IL15RA: variants seen among roughly 807,000 people sequenced by gnomAD.
The protein encoded by IL15RA is interleukin-15 receptor subunit alpha.
A neutral mutation model predicts 24.2 loss-of-function variants in IL15RA; 26 were observed. The ratio of observed to expected loss-of-function variants is 1.07; its 90% confidence interval spans 0.79 to 1.49. The LOEUF is 1.49. Among genes scored for constraint, IL15RA ranks in the 40% most tolerant of loss-of-function variants. IL15RA has a pLI of 0.00. For missense variants in IL15RA, 354 were observed against 356.4 expected, an observed-to-expected ratio of 0.99 and a Z score of 0.05; for synonymous variants, 166 against 157.6, an observed-to-expected ratio of 1.05 and a Z score of -0.40.
rs1424860163 is a variant in IL15RA, at chr10:5,973,993, C to T, written c.88+3412G>A. Among the ~76,000 whole-genome samples the T allele has an allele frequency of 6.6e-6, 1 of 151,242 alleles. No homozygotes were observed. Among genetic ancestry groups the T allele is most frequent in the African/African-American group, 2.4e-5 (1 of 41,114 alleles). On this transcript the variant is annotated intron_variant, in intron 1 of 6. Transcript: ENST00000379977. The surrounding 1 kb of genome is among the most constrained non-coding windows in gnomAD (Gnocchi z 4.5). The stretch of plus-strand genomic sequence containing the variant: ...TAATGATACAATTCAATTTTTTATA[C>T]ATAAGACAGAGTCAGAAAAAAAAAA...
chr10:5,949,333 T>A (rs1564476386), downstream of IL15RA: 4 of 470,990 alleles, frequency 8.5e-6, no homozygotes, highest in Admixed American at 4.7e-5. The surrounding 1 kb of genome is among the most constrained non-coding windows in gnomAD (Gnocchi z 4.4). Flanking sequence ...ATGGGTGGAT[T>A]TACAGTCACT....
At chr10:5,977,374 C>A (rs903004389) in intron 1 of IL15RA, 31 bp downstream of exon 1, 25 of 1,130,162 alleles carry the variant, frequency 2.2e-5, no homozygotes, top group Admixed American at 8.5e-5. Flanking sequence ...TTCCAAGTCC[C>A]GCCCGGGCGC....
downstream of IL15RA, chr10:5,948,946 A>G (rs968012524): frequency 2.1e-5 from 5 of 233,606 alleles, no homozygotes; most frequent in African/African-American, 1.1e-4. Context: ...CACAATGTCA[A>G]AATACAAATC....
chr10:5,958,222 G>C lies in IL15RA; in HGVS notation c.616+1532C>G, dbSNP rs1031056354. The C allele has an allele frequency of 7.2e-6, 3 of 419,286 alleles. No homozygotes were observed. Among genetic ancestry groups the C allele is most frequent in the African/African-American group, 6.2e-5 (3 of 48,660 alleles). 26.0% of individuals were successfully genotyped at this position (419,286 alleles called of 1,614,324 possible). A position where few individuals can be genotyped will look rare whatever the true frequency, so the allele number is the denominator to read the frequency against. ...GAGGATCTACAAGGTATACCAGCAA[G>C]TGGAAACAAACATGGTACAGAAAAG... On this transcript the variant is annotated intron_variant, in intron 5 of 6. Coordinates refer to ENST00000379977, the MANE Select transcript of IL15RA (RefSeq NM_002189.4). This position sits in a 1 kb window ranked among gnomAD's most constrained non-coding sequence, Gnocchi z 4.3.
rs761934911 is a variant in IL15RA, at chr10:5,971,066, A to T, written c.89-4727T>A. On this transcript the variant is annotated intron_variant, in intron 1 of 6. Transcript: ENST00000379977. The surrounding 1 kb of genome is among the most constrained non-coding windows in gnomAD (Gnocchi z 5.5). ...CCACATGCCTTAATCACATCTTTAG[A>T]TACTTGAATTATACTTTCTATATAT... is the stretch of plus-strand genomic sequence containing the variant. Among the ~76,000 whole-genome samples the T allele has an allele frequency of 4.4e-4, 67 of 152,300 alleles. No homozygotes were observed. The highest frequency in any genetic ancestry group is 6.8e-4 in the Non-Finnish European group (46 of 68,020).
chr10:5,951,141 C>CAAAAAAAAAAAAAAA (rs60771366), downstream of IL15RA, among the ~76,000 whole-genome samples: 46 of 35,952 alleles, frequency 1.3e-3, no homozygotes, highest in African/African-American at 2.0e-3. Context: ...GACTCAGTCT[C>CAAAAAAAAAAAAAAA]AAAAAAAAAA....
At chr10:5,976,784 C>T (rs1564525816) in intron 1 of IL15RA, among the ~76,000 whole-genome samples, 1 of 151,656 alleles carries the variant, frequency 6.6e-6, no homozygotes, top group African/African-American at 2.4e-5. Flanking sequence ...TCCAGGCTGG[C>T]CCCCACTCCC....
rs1836374568 is a variant in IL15RA at position 5,965,570 on chromosome 10, C to T, written c.283+575G>A. 6.6e-6 allele frequency among the ~76,000 whole-genome samples: 1 copy of T among 152,230 alleles called. No homozygotes were observed. ...ATATCAAGTCCGTTTTCCAGATGACCAGCCAGAGTGCCAGAATATCACAAG... is the reference window on the plus strand; with the variant it reads ...ATATCAAGTCCGTTTTCCAGATGACTAGCCAGAGTGCCAGAATATCACAAG... On this transcript the variant is annotated intron_variant, in intron 2 of 6. Transcript: ENST00000379977. The surrounding 1 kb of genome is among the most constrained non-coding windows in gnomAD (Gnocchi z 5.8).
At chr10:5,956,506 G>T in intron 5 of IL15RA, 52 bp from the exon 6 acceptor site, 2 of 1,358,106 alleles carry the variant, frequency 1.5e-6, no homozygotes, top group Non-Finnish European at 2.1e-6. Context: ...TCATTGCTAC[G>T]AACCACAAAT....
At chr10:5,949,072 T>C (rs11256085), downstream of IL15RA, 15,017 of 365,642 alleles carry the variant, frequency 0.041, 659 homozygotes, top group African/African-American at 0.15. The surrounding 1 kb of genome is among the most constrained non-coding windows in gnomAD (Gnocchi z 4.4). Context: ...TCACTGGGCT[T>C]AGCATCTCCT....
chr10:5,969,547 T>C (rs1837243066), intron 1 of IL15RA, among the ~76,000 whole-genome samples: 1 of 151,764 alleles, frequency 6.6e-6, no homozygotes, highest in Admixed American at 6.6e-5. Flanking sequence ...TAGTTATTAT[T>C]TTTTTAATTT....
chr10:5,966,071 A>G lies in IL15RA; in HGVS notation c.283+74T>C. The G allele has an allele frequency of 9.4e-7, 1 of 1,065,726 alleles. No homozygotes were observed. Among genetic ancestry groups the G allele is most frequent in the East Asian group, 2.5e-5 (1 of 40,760 alleles). The allele number at this position is 1,065,726 out of a possible 1,614,324, so 66.0% of individuals were successfully genotyped here. ...CTCAGCACAGATCCCTTGACCCCTG[A>G]GATGGGGTCTTCTCTCTGTGCAGCC... On this transcript the variant is annotated intron_variant, in intron 2 of 6. Coordinates refer to ENST00000379977, the MANE Select transcript of IL15RA (RefSeq NM_002189.4). This position sits in a 1 kb window ranked among gnomAD's most constrained non-coding sequence, Gnocchi z 6.4.
chr10:5,959,709 C>CG lies in IL15RA; in HGVS notation c.616+44dup. 1 of 1,591,874 alleles carries CG rather than the reference C, an allele frequency of 6.3e-7. No homozygotes were observed. ...AGGACCACCCAGCACCCTGGGACTG[C>CG]GGTCACCCTGATCATAAACATACCG... On this transcript the variant is annotated intron_variant, in intron 5 of 6. Coordinates refer to ENST00000379977, the MANE Select transcript of IL15RA (RefSeq NM_002189.4). The surrounding 1 kb of genome is among the most constrained non-coding windows in gnomAD (Gnocchi z 4.1).
Position 5,958,344 on chromosome 10 carries a change from C to T in IL15RA, c.616+1410G>A, listed in dbSNP as rs1407525533. 2.2e-6 allele frequency: 1 copy of T among 446,730 alleles called. No homozygotes were observed. Among genetic ancestry groups the T allele is most frequent in the Non-Finnish European group, 4.5e-6 (1 of 223,390 alleles). 27.7% of individuals were successfully genotyped at this position (446,730 alleles called of 1,614,324 possible). ...CCTGGAAATCTGGTAGCAAGTGTTG[C>T]TTCCTTCCTGCAAGGGGATTTTTGA... is the stretch of plus-strand genomic sequence containing the variant. On this transcript the variant is annotated intron_variant, in intron 5 of 6. Coordinates refer to ENST00000379977, the MANE Select transcript of IL15RA (RefSeq NM_002189.4). This position sits in a 1 kb window ranked among gnomAD's most constrained non-coding sequence, Gnocchi z 4.3.
rs921203089 is a variant in IL15RA, at chr10:5,960,067, C to T, written c.584-281G>A. On this transcript the variant is annotated intron_variant, in intron 4 of 6. Coordinates refer to ENST00000379977, the MANE Select transcript of IL15RA (RefSeq NM_002189.4). The surrounding 1 kb of genome is among the most constrained non-coding windows in gnomAD (Gnocchi z 5.1). Reference sequence around the variant, plus strand: ...CTGTAGGCAGCTTCACCACCTCCTACTGCAGGAGGGCACAGATGCCACTCC... The same window carrying T: ...CTGTAGGCAGCTTCACCACCTCCTATTGCAGGAGGGCACAGATGCCACTCC... 6.6e-6 allele frequency among the ~76,000 whole-genome samples: 1 copy of T among 152,228 alleles called. No individual in the cohort carries two copies. Among genetic ancestry groups the T allele is most frequent in the African/African-American group, 2.4e-5 (1 of 41,456 alleles).
Position 5,963,707 on chromosome 10 carries a change from G to T in IL15RA, c.382+36C>A. On this transcript the variant is annotated intron_variant, in intron 3 of 6. Transcript: ENST00000379977. This position sits in a 1 kb window ranked among gnomAD's most constrained non-coding sequence, Gnocchi z 5.3. ...GAGCGGGCCTCTGGGTGTTGGGAGGGAATGAATGTCCTCGAGAAGTTTCTG... is the reference window on the plus strand; with the variant it reads ...GAGCGGGCCTCTGGGTGTTGGGAGGTAATGAATGTCCTCGAGAAGTTTCTG... 2 of 1,364,656 alleles carry T rather than the reference G, an allele frequency of 1.5e-6. No individual in the cohort carries two copies. The highest frequency in any genetic ancestry group is 2.0e-6 in the Non-Finnish European group (2 of 1,013,804). The allele number at this position is 1,364,656 out of a possible 1,614,324, so 84.5% of individuals were successfully genotyped here.
chr10:5,968,625 G>A lies in IL15RA; in HGVS notation c.89-2286C>T. 1.6e-6 allele frequency: 1 copy of A among 609,118 alleles called. No homozygotes were observed. The allele number at this position is 609,118 out of a possible 1,614,324, so 37.7% of individuals were successfully genotyped here. On this transcript the variant is annotated intron_variant, in intron 1 of 6. Coordinates refer to ENST00000379977, the MANE Select transcript of IL15RA (RefSeq NM_002189.4). This position sits in a 1 kb window ranked among gnomAD's most constrained non-coding sequence, Gnocchi z 5.4. ...AGCCCCACTGGCTTTGAGGCCTCTGGTGCTATCTGGTGCTGGAGTGTCAGA... is the reference window on the plus strand; with the variant it reads ...AGCCCCACTGGCTTTGAGGCCTCTGATGCTATCTGGTGCTGGAGTGTCAGA...
chr10:5,972,150 G>A (rs1394783184), intron 1 of IL15RA, among the ~76,000 whole-genome samples: 1 of 152,034 alleles, frequency 6.6e-6, no homozygotes, highest in East Asian at 1.9e-4. Flanking sequence ...TTCACACTCT[G>A]AACAAGAGCA....
At position 5,966,165 on chromosome 10, in the gene IL15RA, G is replaced by C. The variant is rs753007830; in HGVS notation, c.263C>G (p.Thr88Ser). Residue 88 changes from threonine to serine, a missense_variant, in exon 2 of 7, where the codon ACC becomes AGC. By Grantham distance (58) the Thr-to-Ser change is moderately conservative (BLOSUM62 1). Transcript: ENST00000379977. This position sits in a 1 kb window ranked among gnomAD's most constrained non-coding sequence, Gnocchi z 6.4. ...CTCACTAATGCATTTGAGACTGGGG[G>C]TTGTCCAGTGGGCGACATTCGTGGC... is the stretch of plus-strand genomic sequence containing the variant. ...NKATNVAHWT[T>S]PSLKCIRDPA... is the part of the protein sequence containing the mutation. 36 of 1,610,566 alleles carry C rather than the reference G, an allele frequency of 2.2e-5. No individual in the cohort carries two copies. The East Asian group carries it at 6.9e-4, about 31-fold the overall frequency.
Sources: gnomAD v4.1 joint callset for allele counts (sites outside exome capture counted in the v4.1 genomes callset) on GRCh38, gnomAD v4.1.1 for gene constraint, Gnocchi (gnomAD v3.1) non-coding constraint, MANE v1.5 for transcripts, NCBI Gene and HGNC (gene_info 2026-07-23, HGNC 2026-07-21) for gene names.